The following PDE11A variants were observed in gnomAD, a reference collection of about 807,000 sequenced individuals.
PDE11A encodes the protein phosphodiesterase 11A, also known as dual 3',5'-cyclic-AMP and -GMP phosphodiesterase 11A.
PDE11A carries 100 observed loss-of-function variants against 100.5 expected under a neutral mutation model. The observed-to-expected ratio is 1.00, with a 90% CI of 0.85 to 1.18. The LOEUF (loss-of-function observed/expected upper bound fraction) is 1.18. Among genes scored for constraint, PDE11A ranks in the 50% most tolerant of loss-of-function variants. PDE11A has a pLI of 0.00. For synonymous variants in PDE11A, 381 were observed against 420.8 expected, an observed-to-expected ratio of 0.91 and a Z score of 1.16; for missense variants, 1,141 against 1,152.6, an observed-to-expected ratio of 0.99 and a Z score of 0.15.
At chr2:177,831,039 T>C (rs1319570666) in intron 6 of PDE11A, among the ~76,000 whole-genome samples, 3 of 152,214 alleles carry the variant, frequency 2.0e-5, no homozygotes, top group Non-Finnish European at 2.9e-5. Flanking sequence ...AAACCATGTA[T>C]GCTATCAAGC....
intron 1 of PDE11A, among the ~76,000 whole-genome samples, chr2:178,027,387 G>T (rs192849574): frequency 6.6e-5 from 10 of 152,240 alleles, no homozygotes; most frequent in African/African-American, 1.4e-4. Context: ...TTTCCTAAGG[G>T]TGATGAAATT....
intron 18 of PDE11A, among the ~76,000 whole-genome samples, chr2:177,667,133 C>T (rs1457051016): frequency 2.0e-5 from 3 of 152,112 alleles, no homozygotes; most frequent in Non-Finnish European, 2.9e-5. Context: ...AGGCTGGTCT[C>T]GAACTCCTGA....
At chr2:177,700,602 G>C (rs1374385403) in intron 14 of PDE11A, among the ~76,000 whole-genome samples, 1 of 152,052 alleles carries the variant, frequency 6.6e-6, no homozygotes, top group East Asian at 1.9e-4. Context: ...ATTAGCTCTG[G>C]GTCTTAAGTT....
At chr2:177,816,997 C>G in intron 8 of PDE11A, 76 bp from the exon 9 acceptor site, 2 of 822,172 alleles carry the variant, frequency 2.4e-6, no homozygotes, top group Non-Finnish European at 4.3e-6. Flanking sequence ...CAGGCAGCCA[C>G]CAGGGATGGG....
At chr2:177,859,912 A>G (rs993991900) in intron 5 of PDE11A, among the ~76,000 whole-genome samples, 3 of 151,972 alleles carry the variant, frequency 2.0e-5, no homozygotes, top group African/African-American at 7.2e-5. Context: ...ACTTTGAATG[A>G]AAACAAAATA....
intron 10 of PDE11A, among the ~76,000 whole-genome samples, chr2:177,749,010 A>G (rs1320295709): frequency 6.6e-6 from 1 of 152,204 alleles, no homozygotes; most frequent in South Asian, 2.1e-4. Flanking sequence ...CACAACTAGA[A>G]ATTTTGTGCT....
intron 2 of PDE11A, among the ~76,000 whole-genome samples, chr2:177,912,878 T>G (rs1559003721): frequency 6.6e-6 from 1 of 152,204 alleles, no homozygotes; most frequent in Non-Finnish European, 1.5e-5. Context: ...CCAGTTTCTA[T>G]GGATGCAAAA....
chr2:178,038,587 C>G (rs2086645320), intron 1 of PDE11A, among the ~76,000 whole-genome samples: 1 of 151,880 alleles, frequency 6.6e-6, no homozygotes, highest in African/African-American at 2.4e-5. Context: ...TGACATGGAC[C>G]AGTACTCCAC....
intron 5 of PDE11A, among the ~76,000 whole-genome samples, chr2:177,861,724 T>C (rs1035758128): frequency 6.6e-6 from 1 of 151,934 alleles, no homozygotes; most frequent in African/African-American, 2.4e-5. Flanking sequence ...CATGAAGACA[T>C]ACAGATTAAT....
At chr2:177,881,845 A>G (rs140775536) in intron 4 of PDE11A, among the ~76,000 whole-genome samples, 39 of 152,338 alleles carry the variant, frequency 2.6e-4, no homozygotes, top group African/African-American at 8.7e-4. Flanking sequence ...TAGTAGACAG[A>G]CCTTTATTTT....
intron 9 of PDE11A, among the ~76,000 whole-genome samples, chr2:177,781,844 G>A (rs761804777): frequency 7.2e-5 from 11 of 152,124 alleles, no homozygotes; most frequent in Admixed American, 1.3e-4. Flanking sequence ...GAGATATGCC[G>A]TTTTTGCTTT....
intron 5 of PDE11A, among the ~76,000 whole-genome samples, chr2:177,850,546 A>G (rs980458224): frequency 1.3e-5 from 2 of 152,206 alleles, no homozygotes; most frequent in African/African-American, 4.8e-5. Context: ...GGATCTAATT[A>G]AACTAAAGAG....
chr2:177,634,589 C>T (rs11682753), intron 19 of PDE11A, among the ~76,000 whole-genome samples: 93,756 of 151,802 alleles, frequency 0.62, 32,660 homozygotes, highest in Non-Finnish European at 0.75. Context: ...GGGGTTTCAC[C>T]GTGTTAGCCA....
chr2:177,649,208 G>T (rs2080271061), intron 19 of PDE11A, among the ~76,000 whole-genome samples: 1 of 152,020 alleles, frequency 6.6e-6, no homozygotes, highest in Non-Finnish European at 1.5e-5. Context: ...GAGAAATTTG[G>T]TGATATCTAT....
intron 2 of PDE11A, among the ~76,000 whole-genome samples, chr2:177,945,058 G>T (rs530354518): frequency 0.036 from 5,397 of 149,534 alleles, 279 homozygotes; most frequent in African/African-American, 0.13. Flanking sequence ...CTAACCGCGA[G>T]TGATCCGCCA....
At chr2:177,813,934 G>C (rs73034286) in intron 9 of PDE11A, among the ~76,000 whole-genome samples, 17,161 of 143,000 alleles carry the variant, frequency 0.12, 1,125 homozygotes, top group African/African-American at 0.19. Context: ...TAATGGAAAA[G>C]AATAAGCAAA....
At chr2:178,055,456 C>A (rs1324541392) in intron 1 of PDE11A, among the ~76,000 whole-genome samples, 1 of 152,092 alleles carries the variant, frequency 6.6e-6, no homozygotes, top group Middle Eastern at 3.4e-3. Flanking sequence ...ATGTAACAAA[C>A]CTGCACGTTG....
chr2:177,734,650 C>T (rs1312088606), intron 10 of PDE11A, among the ~76,000 whole-genome samples: 1 of 152,030 alleles, frequency 6.6e-6, no homozygotes, highest in African/African-American at 2.4e-5. Context: ...GGCTGAGTGG[C>T]AGTGGGCAAG....
chr2:178,050,073 G>T (rs112263192), intron 1 of PDE11A, among the ~76,000 whole-genome samples: 1 of 151,952 alleles, frequency 6.6e-6, no homozygotes, highest in Admixed American at 6.6e-5. Context: ...CCTGACCCCC[G>T]AGTAGCCTAA....
Sources: gnomAD v4.1 joint callset for allele counts (sites outside exome capture counted in the v4.1 genomes callset) on GRCh38, gnomAD v4.1.1 for gene constraint, MANE v1.5 for transcripts, NCBI Gene and HGNC (gene_info 2026-07-23, HGNC 2026-07-21) for gene names.